PHEX: variants seen among roughly 807,000 people sequenced by gnomAD.
PHEX encodes the protein phosphate regulating endopeptidase X-linked, also known as phosphate-regulating neutral endopeptidase PHEX.
Under a neutral mutation model 68.0 loss-of-function variants are expected in PHEX, and 16 were observed. That is an observed-to-expected ratio of 0.24 (90% CI 0.16 to 0.36). PHEX has a LOEUF of 0.36. Ranked by LOEUF, PHEX falls within the 10% of genes least tolerant of loss-of-function variation. PHEX has a pLI of 1.00. For missense variants in PHEX, 480 were observed against 575.5 expected, an observed-to-expected ratio of 0.83 and a Z score of 1.70; for synonymous variants, 208 against 205.1, an observed-to-expected ratio of 1.01 and a Z score of -0.12.
In PHEX at chrX:22,249,518, T is replaced by A. The variant is rs1936512638; in HGVS notation, c.*1565T>A. ...TCTACCTAAGTGTGTGCCATGTCCT[T>A]TTGTAGCCATGGGAACGTTTGAATG... On this transcript the variant is annotated 3_prime_UTR_variant, in exon 22 of 22. Coordinates refer to ENST00000379374, the MANE Select transcript of PHEX (RefSeq NM_000444.6). 3 of 91,892 alleles carry A rather than the reference T, an allele frequency of 3.3e-5. No individual in the cohort carries two copies. The highest frequency in any genetic ancestry group is 2.4e-4 in the Admixed American group (2 of 8,333). 7.6% of individuals were successfully genotyped at this position (91,892 alleles called of 1,213,427 possible).
intron 12 of PHEX, among the ~76,000 whole-genome samples, chrX:22,165,496 AGAGGCG>A (rs1282420641): frequency 3.6e-5 from 4 of 111,355 alleles, no homozygotes; most frequent in Non-Finnish European, 7.5e-5. Context: ...GGGTGGAGGC[AGAGGCG>A]GAGGCGGAGG....
chrX:22,245,388 C>T lies in PHEX; in HGVS notation c.2126C>T (p.Ala709Val). 1 of 1,203,940 alleles carries T rather than the reference C, an allele frequency of 8.3e-7. No homozygotes were observed. Residue 709 changes from alanine (A) to valine (V), a missense_variant, in exon 21 of 22, where the codon GCT becomes GTT. Transcript: ENST00000379374. Reference protein sequence around the residue: ...EAAREQVQIGAHSPPQFRVNG... With the variant: ...EAAREQVQIGVHSPPQFRVNG... Reference sequence around the variant, plus strand: ...GCCCGAGAACAAGTCCAAATTGGTGCTCACAGTCCCCCTCAGTTTAGGTAA... The same window carrying T: ...GCCCGAGAACAAGTCCAAATTGGTGTTCACAGTCCCCCTCAGTTTAGGTAA...
At chrX:22,092,180 G>A (rs757085506) in intron 6 of PHEX, among the ~76,000 whole-genome samples, 67 of 111,258 alleles carry the variant, frequency 6.0e-4, no homozygotes, top group Non-Finnish European at 1.1e-3. Context: ...GTTTCCAAGC[G>A]TGTAGCAGCT....
intron 5 of PHEX, among the ~76,000 whole-genome samples, chrX:22,079,764 A>T (rs1929307908): frequency 9.0e-6 from 1 of 111,717 alleles, no homozygotes; most frequent in African/African-American, 3.3e-5. Flanking sequence ...ACTGTCTTAC[A>T]TTCTGAATTT....
At chrX:22,153,504 A>G (rs1483458132) in intron 12 of PHEX, among the ~76,000 whole-genome samples, 1 of 112,104 alleles carries the variant, frequency 8.9e-6, no homozygotes, top group African/African-American at 3.2e-5. Flanking sequence ...TTGGCAGGAC[A>G]GAGAACACAG....
chrX:22,167,509 G>GTT (rs1569416880), intron 12 of PHEX, among the ~76,000 whole-genome samples: 3 of 90,540 alleles, frequency 3.3e-5, no homozygotes, highest in Non-Finnish European at 6.2e-5. Flanking sequence ...TTTTTTTTTT[G>GTT]GAGACAGGGT....
chrX:22,211,547 C>G (rs1033165527), intron 15 of PHEX, among the ~76,000 whole-genome samples: 3 of 112,104 alleles, frequency 2.7e-5, no homozygotes, highest in Non-Finnish European at 5.6e-5. Context: ...GTATTTTGTT[C>G]TTACCAGCAT....
intron 3 of PHEX, among the ~76,000 whole-genome samples, chrX:22,067,974 A>G (rs1928685439): frequency 9.1e-6 from 1 of 110,066 alleles, no homozygotes; most frequent in Admixed American, 9.8e-5. Context: ...CTAGGATTAC[A>G]GGCATCCACC....
At chrX:22,066,090 G>A (rs749740165) in intron 3 of PHEX, among the ~76,000 whole-genome samples, 1 of 112,219 alleles carries the variant, frequency 8.9e-6, no homozygotes, top group South Asian at 3.7e-4. Flanking sequence ...GGAGAAAGGC[G>A]GGGGCCAGAG....
chrX:22,082,966 G>A (rs1427900364), intron 5 of PHEX, among the ~76,000 whole-genome samples: 1 of 111,860 alleles, frequency 8.9e-6, no homozygotes. Flanking sequence ...TATAGTATAA[G>A]GCTGTAGTAA....
At chrX:22,038,816 C>A (rs1057274536) in intron 2 of PHEX, among the ~76,000 whole-genome samples, 3 of 111,344 alleles carry the variant, frequency 2.7e-5, no homozygotes, top group Non-Finnish European at 3.8e-5. Context: ...CTCTTAAGAC[C>A]CACAGGCAGA....
intron 12 of PHEX, among the ~76,000 whole-genome samples, chrX:22,166,456 G>A (rs1460594673): frequency 2.7e-5 from 3 of 110,429 alleles, no homozygotes; most frequent in African/African-American, 6.6e-5. Context: ...ATGCCATATC[G>A]TGTGTGTTTG....
chrX:22,061,833 G>A (rs773360677), intron 3 of PHEX, among the ~76,000 whole-genome samples: 14 of 111,625 alleles, frequency 1.3e-4, no homozygotes, highest in Non-Finnish European at 2.4e-4. Flanking sequence ...TTAGAGAGGT[G>A]TATTAGTCTG....
intron 9 of PHEX, among the ~76,000 whole-genome samples, chrX:22,099,989 G>A (rs1168800435): frequency 8.9e-6 from 1 of 112,413 alleles, no homozygotes; most frequent in Non-Finnish European, 1.9e-5. Context: ...CACCTGAGAG[G>A]AGCTGCTGCT....
At chrX:22,143,876 T>C (rs1351299633) in intron 12 of PHEX, among the ~76,000 whole-genome samples, 1 of 112,466 alleles carries the variant, frequency 8.9e-6, no homozygotes, top group Non-Finnish European at 1.9e-5. Flanking sequence ...TGTTTATTCA[T>C]AGCTGAAATA....
intron 15 of PHEX, among the ~76,000 whole-genome samples, chrX:22,212,411 CA>C (rs1467638885): frequency 9.0e-6 from 1 of 111,707 alleles, no homozygotes; most frequent in African/African-American, 3.3e-5. Context: ...TTTCTCTGCT[CA>C]CACACACATG....
intron 12 of PHEX, among the ~76,000 whole-genome samples, chrX:22,161,732 A>G (rs1007285261): frequency 2.7e-5 from 3 of 111,941 alleles, no homozygotes; most frequent in African/African-American, 9.7e-5. Context: ...CCTCTCATTT[A>G]ATTGTATTTA....
intron 3 of PHEX, among the ~76,000 whole-genome samples, chrX:22,057,590 C>CAA (rs201728554): frequency 2.8e-5 from 3 of 108,522 alleles, no homozygotes; most frequent in African/African-American, 1.0e-4. Context: ...GACTCGATCT[C>CAA]AAAGAAAAAA....
At position 22,046,722 on chromosome X, in the gene PHEX, A is replaced by G. The variant is rs369853994; in HGVS notation, c.188-328A>G. Among the ~76,000 whole-genome samples the G allele has an allele frequency of 5.2e-4, 57 of 109,949 alleles. No individual in the cohort carries two copies. In the South Asian group the frequency reaches 0.021, roughly 40 times the overall value. Reference sequence around the variant, plus strand: ...GCTGGGATTACAGGCATGCATCACCATATCTGGCTAATTTTTGTATTTTTA... The same window carrying G: ...GCTGGGATTACAGGCATGCATCACCGTATCTGGCTAATTTTTGTATTTTTA... On this transcript the variant is annotated intron_variant, in intron 2 of 21. Coordinates refer to ENST00000379374, the MANE Select transcript of PHEX (RefSeq NM_000444.6).
Sources: allele counts gnomAD v4.1 joint callset (sites outside exome capture counted in the v4.1 genomes callset), GRCh38; gene constraint gnomAD v4.1.1; transcripts MANE v1.5; gene names NCBI Gene and HGNC (gene_info 2026-07-23, HGNC 2026-07-21).